The following DPP6 variants were observed in gnomAD, a reference collection of about 807,000 sequenced individuals.
DPP6 encodes the protein A-type potassium channel modulatory protein DPP6.
Under a neutral mutation model 122.6 loss-of-function variants are expected in DPP6, and 69 were observed. The observed-to-expected ratio is 0.56, with a 90% CI of 0.46 to 0.69. The LOEUF is 0.69. DPP6 is among the 30% of genes least tolerant of loss of function. The pLI is 0.00. For synonymous variants in DPP6, 418 were observed against 433.1 expected, an observed-to-expected ratio of 0.97 and a Z score of 0.43; for missense variants, 928 against 1,116.9, an observed-to-expected ratio of 0.83 and a Z score of 2.41.
At chr7:154,861,720 T>A (rs1803414313) in intron 17 of DPP6, among the ~76,000 whole-genome samples, 1 of 152,198 alleles carries the variant, frequency 6.6e-6, no homozygotes, top group Admixed American at 6.5e-5. Flanking sequence ...CTGAGATGCA[T>A]CTCTTAGCGA....
intron 1 of DPP6, among the ~76,000 whole-genome samples, chr7:154,016,406 T>G (rs1798421192): frequency 6.6e-6 from 1 of 151,954 alleles, no homozygotes; most frequent in Non-Finnish European, 1.5e-5. Context: ...TTTATTTTTT[T>G]TTTTTTTCAG....
chr7:154,093,612 T>TACACACACACACACACCATAC (rs1805064347), intron 1 of DPP6: 1 of 114,444 alleles, frequency 8.7e-6, no homozygotes, highest in East Asian at 2.9e-4. Flanking sequence ...ACACACACCA[T>TACACACACACACACACCATAC]ACACACACAC....
chr7:154,575,223 TG>T (rs1831491668), intron 5 of DPP6, among the ~76,000 whole-genome samples: 4 of 115,018 alleles, frequency 3.5e-5, no homozygotes, highest in African/African-American at 6.7e-5. Context: ...GTGTGTGGTG[TG>T]GTGTGTGTGT....
chr7:154,073,355 C>T (rs1190493177), intron 1 of DPP6, among the ~76,000 whole-genome samples: 1 of 152,222 alleles, frequency 6.6e-6, no homozygotes, highest in Non-Finnish European at 1.5e-5. Flanking sequence ...TTCTCTAAAT[C>T]TGTGCTCTCT....
At chr7:154,818,413 A>G (rs1799551682) in intron 16 of DPP6, among the ~76,000 whole-genome samples, 1 of 152,230 alleles carries the variant, frequency 6.6e-6, no homozygotes, top group Non-Finnish European at 1.5e-5. Context: ...GTAAGCAGGC[A>G]TGCCCTTTGC....
At chr7:154,560,888 A>G (rs1830380890) in intron 4 of DPP6, among the ~76,000 whole-genome samples, 1 of 152,024 alleles carries the variant, frequency 6.6e-6, no homozygotes, top group Non-Finnish European at 1.5e-5. Flanking sequence ...GTCTTAAAAA[A>G]AAAAAAAAAA....
intron 5 of DPP6, among the ~76,000 whole-genome samples, chr7:154,578,711 C>T (rs1831848586): frequency 6.6e-6 from 1 of 152,094 alleles, no homozygotes; most frequent in Non-Finnish European, 1.5e-5. Flanking sequence ...ATTTAACAGA[C>T]ACCAGAGTGT....
At chr7:153,945,585 G>A (rs1244243290) in intron 1 of DPP6, among the ~76,000 whole-genome samples, 1 of 152,184 alleles carries the variant, frequency 6.6e-6, no homozygotes, top group Non-Finnish European at 1.5e-5. Flanking sequence ...GGTTGGCGGT[G>A]GAGGCGCTTG....
At chr7:154,373,092 C>G (rs1812815276) in intron 1 of DPP6, among the ~76,000 whole-genome samples, 1 of 152,128 alleles carries the variant, frequency 6.6e-6, no homozygotes, top group African/African-American at 2.4e-5. Context: ...TTCTTTCTTC[C>G]TCACATTCTT....
chr7:154,394,241 C>G (rs188862233), intron 1 of DPP6, among the ~76,000 whole-genome samples: 38 of 152,278 alleles, frequency 2.5e-4, no homozygotes, highest in African/African-American at 8.9e-4. Context: ...CACATCCTCA[C>G]TAACTTATTT....
chr7:154,175,252 T>A (rs1033889506), intron 1 of DPP6, among the ~76,000 whole-genome samples: 1 of 152,126 alleles, frequency 6.6e-6, no homozygotes. Context: ...TTACAGTACC[T>A]GGCAAAAGAG....
intron 5 of DPP6, among the ~76,000 whole-genome samples, chr7:154,628,603 G>A (rs935911863): frequency 1.3e-5 from 2 of 152,184 alleles, no homozygotes; most frequent in African/African-American, 4.8e-5. Flanking sequence ...GACCTTATGA[G>A]CTGGGTAGCT....
At chr7:154,684,608 C>T (rs564197744) in intron 7 of DPP6, among the ~76,000 whole-genome samples, 4 of 152,216 alleles carry the variant, frequency 2.6e-5, no homozygotes, top group African/African-American at 9.6e-5. Flanking sequence ...GTGGCATCCT[C>T]CTTTAAATTT....
chr7:154,373,669 G>C (rs1812866341), intron 1 of DPP6, among the ~76,000 whole-genome samples: 1 of 152,010 alleles, frequency 6.6e-6, no homozygotes, highest in Admixed American at 6.6e-5. Context: ...CCATTTTTCA[G>C]TGCCCAGTTC....
chr7:154,731,266 T>C (rs1842328155), intron 8 of DPP6, among the ~76,000 whole-genome samples: 2 of 152,230 alleles, frequency 1.3e-5, no homozygotes, highest in South Asian at 4.1e-4. Context: ...CTTGGAGATG[T>C]TAGTTCTAAG....
At chr7:154,187,441 A>G (rs1053359708) in intron 1 of DPP6, among the ~76,000 whole-genome samples, 4 of 152,176 alleles carry the variant, frequency 2.6e-5, no homozygotes, top group African/African-American at 4.8e-5. Context: ...AAATCTGTAA[A>G]TCTGGTTATT....
chr7:154,354,822 ATGCACAATGC>A (rs553773329), intron 1 of DPP6, among the ~76,000 whole-genome samples: 157 of 152,340 alleles, frequency 1.0e-3, no homozygotes, highest in African/African-American at 3.7e-3. Context: ...CTTGATCATT[ATGCACAATGC>A]TGCGGGCACT....
chr7:154,338,995 T>A (rs1368244043), intron 1 of DPP6, among the ~76,000 whole-genome samples: 2 of 152,188 alleles, frequency 1.3e-5, no homozygotes, highest in East Asian at 3.9e-4. Flanking sequence ...ATTCAGCATC[T>A]AACGTTGCTA....
intron 18 of DPP6, among the ~76,000 whole-genome samples, 197 bp downstream of exon 18, chr7:154,868,290 A>C (rs1445432189): frequency 6.6e-6 from 1 of 152,120 alleles, no homozygotes; most frequent in Non-Finnish European, 1.5e-5. Context: ...AAAACCAAAA[A>C]AAGCAGGGCA....
Sources: gnomAD v4.1 joint callset for allele counts (sites outside exome capture counted in the v4.1 genomes callset) on GRCh38, gnomAD v4.1.1 for gene constraint, MANE v1.5 for transcripts, NCBI Gene and HGNC (gene_info 2026-07-23, HGNC 2026-07-21) for gene names.